RBFOX1: variants seen among roughly 807,000 people sequenced by gnomAD.
The protein encoded by RBFOX1 is RNA binding protein fox-1 homolog 1.
Under a neutral mutation model 57.7 loss-of-function variants are expected in RBFOX1, and 8 were observed. The observed-to-expected ratio is 0.14, with a 90% CI of 0.08 to 0.25. The LOEUF is 0.25. RBFOX1 is among the 10% of genes least tolerant of loss of function. The probability of loss-of-function intolerance (pLI) is 1.00; values close to 1 mark genes in which losing one functional copy is unlikely to be tolerated. For synonymous variants in RBFOX1, 326 were observed against 222.4 expected (o/e 1.47, Z -4.15); for missense variants, 611 against 548.5 (o/e 1.11, Z -1.14).
chr16:5,965,860 C>G (rs759337712), intron 4 of RBFOX1, among the ~76,000 whole-genome samples: 2 of 152,060 alleles, frequency 1.3e-5, no homozygotes, highest in Non-Finnish European at 2.9e-5. Flanking sequence ...CTTTCTACGT[C>G]AATCCTCCTT....
At chr16:6,321,819 T>C (rs1567933108) in intron 2 of RBFOX1, among the ~76,000 whole-genome samples, 1 of 152,224 alleles carries the variant, frequency 6.6e-6, no homozygotes, top group Non-Finnish European at 1.5e-5. Flanking sequence ...CTGGTTTTTA[T>C]TTCCTCAGTA....
chr16:7,575,237 C>T (rs533307329), intron 5 of RBFOX1, among the ~76,000 whole-genome samples: 92 of 152,020 alleles, frequency 6.1e-4, no homozygotes, highest in Non-Finnish European at 9.9e-4. Context: ...TGGATTCAAG[C>T]GATTCTCCTG....
chr16:5,251,432 A>T (rs1307801604), intron 1 of RBFOX1, among the ~76,000 whole-genome samples: 2 of 152,252 alleles, frequency 1.3e-5, no homozygotes, highest in East Asian at 3.9e-4. Flanking sequence ...TCATTGCTAG[A>T]CTGTGGCTTT....
chr16:6,939,062 T>C (rs1367159876), intron 3 of RBFOX1, among the ~76,000 whole-genome samples: 1 of 152,176 alleles, frequency 6.6e-6, no homozygotes, highest in African/African-American at 2.4e-5. Flanking sequence ...AATGCTACCA[T>C]GGGGTTTGTT....
chr16:5,436,411 A>C (rs1437836622), intron 1 of RBFOX1, among the ~76,000 whole-genome samples: 1 of 152,180 alleles, frequency 6.6e-6, no homozygotes, highest in East Asian at 1.9e-4. Flanking sequence ...CACTCATACA[A>C]AGCCTGGTCT....
At chr16:6,368,729 TCCATGTTTACACATGACAGG>T (rs2090020073) in intron 2 of RBFOX1, among the ~76,000 whole-genome samples, 1 of 152,192 alleles carries the variant, frequency 6.6e-6, no homozygotes, top group South Asian at 2.1e-4. Context: ...TATGTACCAG[TCCATGTTTACACATGACAGG>T]CACATCAATA....
intron 3 of RBFOX1, among the ~76,000 whole-genome samples, chr16:6,686,447 A>G (rs570719308): frequency 6.6e-6 from 1 of 152,282 alleles, no homozygotes; most frequent in East Asian, 1.9e-4. Flanking sequence ...TGTACTCACA[A>G]CGCAGCTTGT....
Position 7,212,283 on chromosome 16 carries a change from A to G in RBFOX1, c.27+160185A>G, listed in dbSNP as rs186515544. 8.5e-5 allele frequency among the ~76,000 whole-genome samples: 13 copies of G among 152,290 alleles called. No homozygotes were observed. In the East Asian group the frequency reaches 2.5e-3, roughly 29 times the overall value. ...GCCATCACAGCAGCTGCCTTTGTGT[A>G]CAGTCCCTTTGCCTCTGCTGTTCCA... On this transcript the variant is annotated intron_variant, in intron 4 of 15. Transcript: ENST00000550418.
At chr16:5,577,363 G>C (rs1445362350) in intron 2 of RBFOX1, among the ~76,000 whole-genome samples, 1 of 151,968 alleles carries the variant, frequency 6.6e-6, no homozygotes, top group African/African-American at 2.4e-5. Context: ...ACCTGTTGGC[G>C]GGGGGGTCTC....
chr16:7,333,279 A>C (rs1475542488), intron 4 of RBFOX1, among the ~76,000 whole-genome samples: 1 of 152,248 alleles, frequency 6.6e-6, no homozygotes, highest in Admixed American at 6.5e-5. Context: ...ATGGCTGAAT[A>C]AATGGTGTAG....
intron 4 of RBFOX1, among the ~76,000 whole-genome samples, chr16:7,156,598 T>C (rs1313311632): frequency 6.6e-6 from 1 of 152,136 alleles, no homozygotes; most frequent in Admixed American, 6.5e-5. Context: ...GATATACATA[T>C]ATGTGTACAT....
At chr16:6,209,688 C>A (rs1221531311) in intron 1 of RBFOX1, among the ~76,000 whole-genome samples, 13 of 152,210 alleles carry the variant, frequency 8.5e-5, no homozygotes, top group Non-Finnish European at 1.5e-5. Context: ...CACAGACTGT[C>A]TGATCTTCAG....
chr16:6,711,874 C>G (rs1421239136), intron 3 of RBFOX1, among the ~76,000 whole-genome samples: 1 of 152,140 alleles, frequency 6.6e-6, no homozygotes, highest in African/African-American at 2.4e-5. Context: ...AATTTGAGGT[C>G]TTTACTCAAA....
At chr16:5,744,846 C>T (rs2052912783) in intron 3 of RBFOX1, among the ~76,000 whole-genome samples, 1 of 152,164 alleles carries the variant, frequency 6.6e-6, no homozygotes, top group Non-Finnish European at 1.5e-5. Context: ...CAACTTCTGC[C>T]TCCCGGGTTC....
chr16:5,904,150 C>A (rs1001697945), intron 4 of RBFOX1, among the ~76,000 whole-genome samples: 4 of 152,176 alleles, frequency 2.6e-5, no homozygotes, highest in South Asian at 4.2e-4. Context: ...ATTCGGAGAT[C>A]GGCAATGCCT....
In RBFOX1 at chr16:5,464,243, G is replaced by A. The variant is rs1597171462; in HGVS notation, c.220-2973G>A. ...ATGGTCCGTTGAGTCTGGTGCTCAGGAGAGCAGTTGGGACTAGAACTGCAC... is the reference window on the plus strand; with the variant it reads ...ATGGTCCGTTGAGTCTGGTGCTCAGAAGAGCAGTTGGGACTAGAACTGCAC... On this transcript the variant is annotated intron_variant, in intron 1 of 2. Coordinates refer to the RBFOX1 transcript ENST00000585867. Among the ~76,000 whole-genome samples, 10 of 152,332 alleles carry A rather than the reference G, an allele frequency of 6.6e-5. No homozygotes were observed. In the East Asian group the frequency reaches 1.9e-3, roughly 29 times the overall value.
rs549005489 is a variant in RBFOX1 at position 5,832,131 on chromosome 16, C to G, written c.319-35172C>G. Among the ~76,000 whole-genome samples, 43 of 152,262 alleles carry G rather than the reference C, an allele frequency of 2.8e-4. 2 individuals are homozygous for G. The South Asian group carries it at 8.7e-3, about 31-fold the overall frequency. ...AGAGAACTGGGAACTGAAACAGAAG[C>G]AGAACTGGCTAAGTAGGAAGCCAGG... On this transcript the variant is annotated intron_variant, in intron 3 of 19. Transcript: ENST00000641259.
At chr16:5,566,681 T>C (rs2046084500) in intron 2 of RBFOX1, among the ~76,000 whole-genome samples, 1 of 45,812 alleles carries the variant, frequency 2.2e-5, no homozygotes, top group South Asian at 9.7e-4. Context: ...TGTATATATG[T>C]GTATATATAT....
intron 5 of RBFOX1, among the ~76,000 whole-genome samples, chr16:7,568,094 C>G (rs2092317163): frequency 6.6e-6 from 1 of 151,912 alleles, no homozygotes; most frequent in African/African-American, 2.4e-5. Context: ...GATCCAGACA[C>G]CAAGAAAGGG....
Sources: gnomAD v4.1 joint callset for allele counts (sites outside exome capture counted in the v4.1 genomes callset) on GRCh38, gnomAD v4.1.1 for gene constraint, MANE v1.5 for transcripts, NCBI Gene and HGNC (gene_info 2026-07-23, HGNC 2026-07-21) for gene names.